MMP14: variants seen among roughly 807,000 people sequenced by gnomAD.
MMP14 encodes the protein matrix metalloproteinase-14.
MMP14 carries 13 observed loss-of-function variants against 64.8 expected under a neutral mutation model. That is an observed-to-expected ratio of 0.20 (90% CI 0.13 to 0.32). The LOEUF (loss-of-function observed/expected upper bound fraction) is 0.32. MMP14 is among the 10% of genes least tolerant of loss of function. The pLI, the probability that MMP14 is intolerant of heterozygous loss-of-function variation, is 1.00. For synonymous variants in MMP14, 322 were observed against 315.9 expected (o/e 1.02, Z -0.20); for missense variants, 594 against 783.8 (o/e 0.76, Z 2.89).
chr14:22,838,962 G>A (rs996463896), intron 1 of MMP14, among the ~76,000 whole-genome samples: 1 of 152,200 alleles, frequency 6.6e-6, no homozygotes, highest in African/African-American at 2.4e-5. Context: ...GAGGGTATGG[G>A]GTGGAGGTTG....
intron 2 of MMP14, 42 bp downstream of exon 2, chr14:22,841,681 T>C (rs1310916762): frequency 6.2e-7 from 1 of 1,611,024 alleles, no homozygotes; most frequent in Admixed American, 1.7e-5. Flanking sequence ...TAGCATCCAC[T>C]GACAATGCCA....
chr14:22,836,841 C>G lies in MMP14; in HGVS notation c.24C>G (p.Pro8=), dbSNP rs757696438. 1.2e-6 allele frequency: 2 copies of G among 1,613,106 alleles called. No homozygotes were observed. Among genetic ancestry groups the G allele is most frequent in the Admixed American group, 1.7e-5 (1 of 59,972 alleles). Residue 8 remains proline, a synonymous_variant, in exon 1 of 10, where the codon CCC becomes CCG. Coordinates refer to ENST00000311852, the MANE Select transcript of MMP14 (RefSeq NM_004995.4). The part of the protein sequence containing the change: MSPAPRP[P]RCLLLPLLTL... The stretch of plus-strand genomic sequence containing the variant: ...CCATGTCTCCCGCCCCAAGACCCCC[C>G]CGTTGTCTCCTGCTCCCCCTGCTCA...
In MMP14 at chr14:22,845,254, C is replaced by T. The variant is rs1019450237; in HGVS notation, c.1305C>T (p.Tyr435=). Residue 435 remains tyrosine, a synonymous_variant, in exon 9 of 10, where the codon TAC becomes TAT. Coordinates refer to ENST00000311852, the MANE Select transcript of MMP14 (RefSeq NM_004995.4). ...CCCTTCCTTTCCCCTTCCCCAGGTA[C>T]TACCGTTTCAACGAAGAGCTCAGGG... The part of the protein sequence containing the change: ...GKTYFFRGNK[Y]YRFNEELRAV... 10 of 1,612,556 alleles carry T rather than the reference C, an allele frequency of 6.2e-6. No homozygotes were observed. The highest frequency in any genetic ancestry group is 1.3e-5 in the African/African-American group (1 of 74,900).
Position 22,843,754 on chromosome 14 carries a change from A to G in MMP14, c.895A>G (p.Thr299Ala). Residue 299 changes from threonine to alanine, a missense_variant, in exon 6 of 10, where the codon ACT (threonine) becomes GCT (alanine). Thr to Ala is a moderately conservative substitution (Grantham distance 58, BLOSUM62 0). Around this residue, in one of 4 missense-constraint regions of MMP14, gnomAD observed 364 missense variants for 425.2 expected, o/e 0.86. Transcript: ENST00000311852. This position sits in a 1 kb window ranked among gnomAD's most constrained non-coding sequence, Gnocchi z 4.8. Reference protein sequence around the residue: ...FPTKMPPQPRTTSRPSVPDKP... With the variant: ...FPTKMPPQPRATSRPSVPDKP... The stretch of plus-strand genomic sequence containing the variant: ...CACCAAGATGCCCCCTCAACCCAGG[A>G]CTACCTCCCGGCCTTCTGTTCCTGA... The G allele has an allele frequency of 6.2e-7, 1 of 1,611,754 alleles. No individual in the cohort carries two copies. Among genetic ancestry groups the G allele is most frequent in the Non-Finnish European group, 8.5e-7 (1 of 1,179,450 alleles).
At chr14:22,840,504 T>C (rs1434493396) in intron 1 of MMP14, among the ~76,000 whole-genome samples, 1 of 152,056 alleles carries the variant, frequency 6.6e-6, no homozygotes, top group Non-Finnish European at 1.5e-5. Flanking sequence ...ACTTCCTCTG[T>C]TGAGAATCTT....
In MMP14 at chr14:22,843,158, G is replaced by T. The variant is rs1197910556; in HGVS notation, c.689-99G>T. 3.6e-6 allele frequency: 5 copies of T among 1,377,198 alleles called. No individual in the cohort carries two copies. Among genetic ancestry groups the T allele is most frequent in the Non-Finnish European group, 4.0e-6 (4 of 1,008,720 alleles). 85.3% of individuals were successfully genotyped at this position (1,377,198 alleles called of 1,614,324 possible). On this transcript the variant is annotated intron_variant, in intron 4 of 9. Transcript: ENST00000311852. This position sits in a 1 kb window ranked among gnomAD's most constrained non-coding sequence, Gnocchi z 4.8. ...TGGCCACTTTGGATTGAAAACATGG[G>T]CAGCAGGCTTGGAGGTGAAACCAAA...
chr14:22,843,120 A>G lies in MMP14; in HGVS notation c.689-137A>G. ...GTGCTTAAATACCAGATAAAAAGCT[A>G]GACCTCAGAATTTGGCCACTTTGGA... On this transcript the variant is annotated intron_variant, in intron 4 of 9. Coordinates refer to ENST00000311852, the MANE Select transcript of MMP14 (RefSeq NM_004995.4). This position sits in a 1 kb window ranked among gnomAD's most constrained non-coding sequence, Gnocchi z 4.8. 2.1e-6 allele frequency: 2 copies of G among 943,302 alleles called. No homozygotes were observed. Among genetic ancestry groups the G allele is most frequent in the Non-Finnish European group, 3.1e-6 (2 of 638,044 alleles). 58.4% of individuals were successfully genotyped at this position (943,302 alleles called of 1,614,324 possible).
In MMP14 at chr14:22,842,116, C is replaced by T. The variant is rs2039777074; in HGVS notation, c.380+81C>T. On this transcript the variant is annotated intron_variant, in intron 3 of 9. Coordinates refer to ENST00000311852, the MANE Select transcript of MMP14 (RefSeq NM_004995.4). This position sits in a 1 kb window ranked among gnomAD's most constrained non-coding sequence, Gnocchi z 5.3. ...TGTGCTTATGCAGGGACTCAGAGAC[C>T]CCCTGCCCCACTCCCCTCAGTTCCT... 2 of 1,547,752 alleles carry T rather than the reference C, an allele frequency of 1.3e-6. No homozygotes were observed. Among genetic ancestry groups the T allele is most frequent in the East Asian group, 2.2e-5 (1 of 44,502 alleles).
At position 22,847,131 on chromosome 14, in the gene MMP14, G is replaced by C. The variant is rs1257796817; in HGVS notation, c.*1092G>C. On this transcript the variant is annotated 3_prime_UTR_variant, in exon 10 of 10. Coordinates refer to ENST00000311852, the MANE Select transcript of MMP14 (RefSeq NM_004995.4). ...TCCCTGTCCTTGCTGCCCAGGCAGC[G>C]TGGAGGGGAAGGGTAGGGCAGCCAG... The C allele has an allele frequency of 6.5e-6, 1 of 152,682 alleles. No homozygotes were observed. The highest frequency in any genetic ancestry group is 1.9e-4 in the East Asian group (1 of 5,212). The allele number at this position is 152,682 out of a possible 1,614,324, so 9.5% of individuals were successfully genotyped here. A position where few individuals can be genotyped will look rare whatever the true frequency, so the allele number is the denominator to read the frequency against.
chr14:22,844,449 C>T lies in MMP14; in HGVS notation c.1090C>T (p.Leu364=). The T allele has an allele frequency of 6.2e-7, 1 of 1,614,160 alleles. No individual in the cohort carries two copies. The highest frequency in any genetic ancestry group is 8.5e-7 in the Non-Finnish European group (1 of 1,180,020). The stretch of plus-strand genomic sequence containing the variant: ...GCCCATTGGCCAGTTCTGGCGGGGC[C>T]TGCCTGCGTCCATCAACACTGCCTA... The part of the protein sequence containing the change: ...PMPIGQFWRG[L]PASINTAYER... The change falls in exon 7 of 10, where the codon CTG becomes TTG. Residue 364 remains leucine (L), a synonymous_variant. Transcript: ENST00000311852.
Position 22,846,134 on chromosome 14 carries a change from C to G in MMP14, c.*95C>G, listed in dbSNP as rs1228104084. 3.3e-6 allele frequency: 4 copies of G among 1,207,204 alleles called. No individual in the cohort carries two copies. Among genetic ancestry groups the G allele is most frequent in the East Asian group, 2.6e-5 (1 of 38,518 alleles). The allele number at this position is 1,207,204 out of a possible 1,614,324, so 74.8% of individuals were successfully genotyped here. ...GGTGGGTGGGCTGTTCCCATCGTCC[C>G]GAGCCCCCTCCCCGCAGCCTCCTTG... On this transcript the variant is annotated 3_prime_UTR_variant, in exon 10 of 10. Transcript: ENST00000311852.
At chr14:22,841,454 G>C (rs776298255) in intron 1 of MMP14, 37 bp from the exon 2 acceptor site, 1 of 1,608,228 alleles carries the variant, frequency 6.2e-7, no homozygotes, top group South Asian at 1.1e-5. Flanking sequence ...CTATGGGCCA[G>C]GTGGGGACAC....
At position 22,842,713 on chromosome 14, in the gene MMP14, G is replaced by T; in HGVS notation, c.684G>T (p.Leu228=). 2 of 1,595,416 alleles carry T rather than the reference G, an allele frequency of 1.3e-6. No homozygotes were observed. The highest frequency in any genetic ancestry group is 2.7e-5 in the African/African-American group (2 of 74,608). Residue 228 remains leucine, a synonymous_variant, in exon 4 of 10, where the codon CTG becomes CTT. Transcript: ENST00000311852. This position sits in a 1 kb window ranked among gnomAD's most constrained non-coding sequence, Gnocchi z 5.3. ...AEPWTVRNED[L]NGNDIFLVAV... ...CTTGGACTGTCAGGAATGAGGATCT[G>T]AATGGTGAGCCAAGTATCCCTGGGA...
chr14:22,843,915 G>C lies in MMP14; in HGVS notation c.1011+45G>C. On this transcript the variant is annotated intron_variant, in intron 6 of 9. Coordinates refer to ENST00000311852, the MANE Select transcript of MMP14 (RefSeq NM_004995.4). This position sits in a 1 kb window ranked among gnomAD's most constrained non-coding sequence, Gnocchi z 4.8. ...TTTGAAAGACAAAAGGGCCCTATGGGCTGGGCATGGTGGCTCATGCCTGTA... is the reference window on the plus strand; with the variant it reads ...TTTGAAAGACAAAAGGGCCCTATGGCCTGGGCATGGTGGCTCATGCCTGTA... 6.3e-7 allele frequency: 1 copy of C among 1,595,630 alleles called. No homozygotes were observed. Among genetic ancestry groups the C allele is most frequent in the Non-Finnish European group, 8.5e-7 (1 of 1,175,318 alleles).
At chr14:22,841,717 G>T (rs1309560906) in intron 2 of MMP14, 78 bp downstream of exon 2, 2 of 1,589,002 alleles carry the variant, frequency 1.3e-6, no homozygotes, top group African/African-American at 2.7e-5. Flanking sequence ...CTACCTGAAT[G>T]CCTGGCTTGT....
intron 8 of MMP14, among the ~76,000 whole-genome samples, chr14:22,845,049 C>T (rs1368245582): frequency 6.6e-6 from 1 of 152,238 alleles, no homozygotes; most frequent in Non-Finnish European, 1.5e-5. Flanking sequence ...GTCATTAGGG[C>T]TACTGGTGGC....
At position 22,842,127 on chromosome 14, in the gene MMP14, C is replaced by A; in HGVS notation, c.380+92C>A. 1.3e-6 allele frequency: 2 copies of A among 1,521,386 alleles called. No homozygotes were observed. Among genetic ancestry groups the A allele is most frequent in the Non-Finnish European group, 1.8e-6 (2 of 1,108,752 alleles). 94.2% of individuals were successfully genotyped at this position (1,521,386 alleles called of 1,614,324 possible). A position where few individuals can be genotyped will look rare whatever the true frequency, so the allele number is the denominator to read the frequency against. ...AGGGACTCAGAGACCCCCTGCCCCA[C>A]TCCCCTCAGTTCCTGGGAAGCATCC... On this transcript the variant is annotated intron_variant, in intron 3 of 9. Coordinates refer to ENST00000311852, the MANE Select transcript of MMP14 (RefSeq NM_004995.4). The surrounding 1 kb of genome is among the most constrained non-coding windows in gnomAD (Gnocchi z 5.3).
Position 22,841,635 on chromosome 14 carries a change from A to G in MMP14, c.253A>G (p.Met85Val). 2 of 1,613,972 alleles carry G rather than the reference A, an allele frequency of 1.2e-6. No individual in the cohort carries two copies. Among genetic ancestry groups the G allele is most frequent in the Non-Finnish European group, 1.7e-6 (2 of 1,179,988 alleles). ...AACAGGCAAAGCTGATGCAGACACC[A>G]TGAAGTAAGTGCTAGACCCTGGCAG... ...QVTGKADADT[M>V]KAMRRPRCGV... The change falls in exon 2 of 10, where the codon ATG (methionine) becomes GTG (valine). Residue 85 changes from methionine to valine, a missense_variant. Coordinates refer to ENST00000311852, the MANE Select transcript of MMP14 (RefSeq NM_004995.4).
In MMP14 at chr14:22,842,654, A is replaced by G. The variant is rs559917438; in HGVS notation, c.625A>G (p.Ile209Val). 2 of 1,613,824 alleles carry G rather than the reference A, an allele frequency of 1.2e-6. No homozygotes were observed. Among genetic ancestry groups the G allele is most frequent in the South Asian group, 1.1e-5 (1 of 91,038 alleles). The change falls in exon 4 of 10, where the codon ATT (isoleucine) becomes GTT (valine). Residue 209 changes from isoleucine (I) to valine (V), a missense_variant. This residue lies in a region of MMP14 where 179 missense variants were observed against 283.4 expected (regional missense o/e 0.63). Coordinates refer to ENST00000311852, the MANE Select transcript of MMP14 (RefSeq NM_004995.4). The surrounding 1 kb of genome is among the most constrained non-coding windows in gnomAD (Gnocchi z 5.3). The part of the protein sequence containing the change: ...LAHAYFPGPN[I>V]GGDTHFDSAE... ...CCATGCCTACTTCCCAGGCCCCAACATTGGAGGAGACACCCACTTTGACTC... is the reference window on the plus strand; with the variant it reads ...CCATGCCTACTTCCCAGGCCCCAACGTTGGAGGAGACACCCACTTTGACTC...
Sources: gnomAD v4.1 joint callset for allele counts (sites outside exome capture counted in the v4.1 genomes callset) on GRCh38, gnomAD v4.1.1 for gene constraint, gnomAD v4.1.1 regional missense constraint, Gnocchi (gnomAD v3.1) non-coding constraint, MANE v1.5 for transcripts, NCBI Gene and HGNC (gene_info 2026-07-23, HGNC 2026-07-21) for gene names.